FRY: variants seen among roughly 807,000 people sequenced by gnomAD.
FRY encodes the protein FRY microtubule binding protein, also known as protein furry homolog.
Under a neutral mutation model 348.4 loss-of-function variants are expected in FRY, and 128 were observed. The observed-to-expected ratio is 0.37, with a 90% confidence interval of 0.32 to 0.43. The LOEUF (loss-of-function observed/expected upper bound fraction) is 0.43. FRY is among the 20% of genes least tolerant of loss of function. FRY has a pLI of 1.00. For synonymous variants in FRY, 1,370 were observed against 1,374.7 expected (o/e 1.00, Z 0.08); for missense variants, 2,736 against 3,695.2 (o/e 0.74, Z 6.73).
intron 14 of FRY, among the ~76,000 whole-genome samples, chr13:32,151,475 G>T (rs1880789991): frequency 6.6e-6 from 1 of 152,248 alleles, no homozygotes; most frequent in Non-Finnish European, 1.5e-5. Context: ...CGAAGCAGAT[G>T]TCATACACTT....
At chr13:32,107,228 G>A (rs990200868) in intron 3 of FRY, among the ~76,000 whole-genome samples, 5 of 152,116 alleles carry the variant, frequency 3.3e-5, no homozygotes, top group Admixed American at 1.3e-4. Flanking sequence ...GTGGTGGCAC[G>A]TGCCTGTAAT....
rs1888649789 is a variant in FRY at position 32,278,488 on chromosome 13, A to G, written c.8409A>G (p.Thr2803=). The change falls in exon 58 of 61, where the codon ACA becomes ACG. Residue 2803 remains threonine (T), a synonymous_variant. Coordinates refer to ENST00000542859, the MANE Select transcript of FRY (RefSeq NM_023037.3). ...TLSWLANCKA[T]FAGGSRDGVI... ...AGTGGCTTGCAAATTGTAAGGCAAC[A>G]TTTGCAGGGGGATCAAGAGATGGAG... 3.1e-6 allele frequency: 5 copies of G among 1,599,086 alleles called. No homozygotes were observed. The highest frequency in any genetic ancestry group is 1.7e-5 in the Admixed American group (1 of 59,976).
At chr13:32,121,459 GT>G (rs1244515987) in intron 4 of FRY, among the ~76,000 whole-genome samples, 1 of 151,746 alleles carries the variant, frequency 6.6e-6, no homozygotes, top group African/African-American at 2.4e-5. Flanking sequence ...TTTGTTTTTT[GT>G]TTTTATGGCC....
chr13:32,196,147 T>C (rs958446742), intron 29 of FRY, among the ~76,000 whole-genome samples: 1 of 152,218 alleles, frequency 6.6e-6, no homozygotes, highest in Non-Finnish European at 1.5e-5. Context: ...GAAGACCTTA[T>C]GAAATATGTT....
chr13:32,158,461 TAGC>T (rs1288887151), intron 16 of FRY, among the ~76,000 whole-genome samples: 1 of 152,244 alleles, frequency 6.6e-6, no homozygotes, highest in East Asian at 1.9e-4. Context: ...ACCGAAATAA[TAGC>T]AGAATTTATA....
chr13:32,151,038 G>T (rs1396440829), intron 14 of FRY, among the ~76,000 whole-genome samples: 1 of 152,190 alleles, frequency 6.6e-6, no homozygotes, highest in Non-Finnish European at 1.5e-5. Context: ...CTGGAAGGAG[G>T]CCCAGAGCTG....
chr13:32,189,720 A>G (rs190377459), intron 28 of FRY, among the ~76,000 whole-genome samples: 2 of 152,190 alleles, frequency 1.3e-5, no homozygotes, highest in East Asian at 1.9e-4. Flanking sequence ...TTTAAAGAAA[A>G]AATTGCATGG....
In FRY at chr13:32,228,526, C is replaced by T; in HGVS notation, c.5277C>T (p.Thr1759=). The change falls in exon 40 of 61, where the codon ACC becomes ACT. Residue 1759 remains threonine, a synonymous_variant. Coordinates refer to ENST00000542859, the MANE Select transcript of FRY (RefSeq NM_023037.3). Reference sequence around the variant, plus strand: ...ACTCAGGGCTTAGTTCAAGCTCCACCTCCTCTAGCATCAGTCTGGGAGGCA... The same window carrying T: ...ACTCAGGGCTTAGTTCAAGCTCCACTTCCTCTAGCATCAGTCTGGGAGGCA... The part of the protein sequence containing the change: ...VPDSGLSSSS[T]SSSISLGGSS... 1 of 1,613,814 alleles carries T rather than the reference C, an allele frequency of 6.2e-7. No homozygotes were observed. Among genetic ancestry groups the T allele is most frequent in the African/African-American group, 1.3e-5 (1 of 75,012 alleles).
chr13:32,142,905 A>G (rs1880167682), intron 11 of FRY, among the ~76,000 whole-genome samples: 1 of 152,222 alleles, frequency 6.6e-6, no homozygotes, highest in South Asian at 2.1e-4. Flanking sequence ...TGTTTCCTAG[A>G]AAACAGAGAG....
chr13:32,105,916 T>C (rs1315571504), intron 3 of FRY, among the ~76,000 whole-genome samples: 1 of 151,948 alleles, frequency 6.6e-6, no homozygotes, highest in African/African-American at 2.4e-5. Flanking sequence ...CCATGATTCA[T>C]TTTCTTCTTG....
chr13:32,052,742 A>G (rs1873402607), intron 1 of FRY, among the ~76,000 whole-genome samples: 2 of 152,264 alleles, frequency 1.3e-5, no homozygotes, highest in African/African-American at 4.8e-5. Context: ...TTGTCCAAAC[A>G]TACTTAAAAC....
chr13:32,260,734 A>G (rs916533788), intron 51 of FRY, among the ~76,000 whole-genome samples: 2 of 151,750 alleles, frequency 1.3e-5, no homozygotes, highest in African/African-American at 4.8e-5. Flanking sequence ...AATTAGCCTG[A>G]CATGGAACCC....
At chr13:32,221,207 C>T (rs1885294861) in intron 36 of FRY, among the ~76,000 whole-genome samples, 1 of 152,190 alleles carries the variant, frequency 6.6e-6, no homozygotes, top group African/African-American at 2.4e-5. Flanking sequence ...CACCCCTCCA[C>T]CAGCTCTGTA....
At chr13:32,293,417 C>A (rs1238356193) in intron 59 of FRY, among the ~76,000 whole-genome samples, 1 of 152,072 alleles carries the variant, frequency 6.6e-6, no homozygotes. Flanking sequence ...AATAATCCTT[C>A]AAGGCTTCAG....
At chr13:32,155,344 G>C in intron 14 of FRY, 147 bp from the exon 15 acceptor site, 1 of 671,902 alleles carries the variant, frequency 1.5e-6, no homozygotes, top group Non-Finnish European at 2.7e-6. Context: ...ATTTTCATAA[G>C]ATTGCTCTAC....
intron 35 of FRY, among the ~76,000 whole-genome samples, chr13:32,213,052 C>G (rs1884774850): frequency 6.6e-6 from 1 of 152,134 alleles, no homozygotes; most frequent in African/African-American, 2.4e-5. Flanking sequence ...GGATGATCCT[C>G]ACGGTGCTTC....
intron 11 of FRY, among the ~76,000 whole-genome samples, chr13:32,139,323 G>A (rs775583868): frequency 1.2e-4 from 18 of 151,994 alleles, no homozygotes; most frequent in Admixed American, 2.0e-4. Flanking sequence ...ACCCTTCCCC[G>A]ACGCACCTTT....
At chr13:32,071,578 T>C (rs918521611) in intron 1 of FRY, among the ~76,000 whole-genome samples, 1 of 152,218 alleles carries the variant, frequency 6.6e-6, no homozygotes, top group African/African-American at 2.4e-5. Context: ...CCTGAGACTT[T>C]GCTGAAGTTG....
Position 32,184,599 on chromosome 13 carries a change from GAAC to G in FRY, c.3057_3059del (p.Asn1019del). 6.2e-7 allele frequency: 1 copy of G among 1,606,054 alleles called. No homozygotes were observed. The highest frequency in any genetic ancestry group is 8.5e-7 in the Non-Finnish European group (1 of 1,172,722). ...AAGTGATACTACCTCTTTCTACACAGAACAAGAAACGCCGAGAACGGCGAGACT... is the reference window on the plus strand; with the variant it reads ...AAGTGATACTACCTCTTTCTACACAGAAGAAACGCCGAGAACGGCGAGACT... On this transcript the variant is annotated inframe_deletion and splice_region_variant, in exon 25 of 61. Transcript: ENST00000542859.
Sources: gnomAD v4.1 joint callset for allele counts (sites outside exome capture counted in the v4.1 genomes callset) on GRCh38, gnomAD v4.1.1 for gene constraint, MANE v1.5 for transcripts, NCBI Gene and HGNC (gene_info 2026-07-23, HGNC 2026-07-21) for gene names.